PCDH15: variants seen among roughly 807,000 people sequenced by gnomAD.
PCDH15 encodes protocadherin-15.
A neutral mutation model predicts 178.5 loss-of-function variants in PCDH15; 129 were observed. That is an observed-to-expected ratio of 0.72 (90% CI 0.63 to 0.84). The LOEUF is 0.84. PCDH15 is among the 40% of genes least tolerant of loss of function. The pLI, the probability that PCDH15 is intolerant of heterozygous loss-of-function variation, is 0.00. For synonymous variants in PCDH15, 800 were observed against 732.0 expected, an observed-to-expected ratio of 1.09 and a Z score of -1.50; for missense variants, 2,230 against 2,099.9, an observed-to-expected ratio of 1.06 and a Z score of -1.21.
At chr10:54,227,740 C>T (rs2053608400) in intron 9 of PCDH15, among the ~76,000 whole-genome samples, 1 of 152,166 alleles carries the variant, frequency 6.6e-6, no homozygotes, top group Non-Finnish European at 1.5e-5. Flanking sequence ...TTTAACAGCA[C>T]CCAAGTCACC....
intron 2 of PCDH15, among the ~76,000 whole-genome samples, chr10:54,957,752 C>A (rs1213196014): frequency 2.0e-5 from 3 of 151,598 alleles, no homozygotes; most frequent in African/African-American, 7.2e-5. Flanking sequence ...CCATTTTAAG[C>A]TTGTGCAGTT....
intron 2 of PCDH15, among the ~76,000 whole-genome samples, chr10:55,108,947 G>A (rs544154892): frequency 1.1e-4 from 16 of 152,210 alleles, no homozygotes; most frequent in African/African-American, 3.4e-4. Flanking sequence ...TGATCCCCAC[G>A]TTCAAGTACT....
chr10:54,646,929 A>G (rs1565842235), intron 2 of PCDH15, among the ~76,000 whole-genome samples: 1 of 152,036 alleles, frequency 6.6e-6, no homozygotes, highest in Non-Finnish European at 1.5e-5. Context: ...ACTGAAAAAC[A>G]AGTTCTTTAA....
At chr10:54,325,545 T>C (rs1160054797) in intron 7 of PCDH15, among the ~76,000 whole-genome samples, 1 of 151,962 alleles carries the variant, frequency 6.6e-6, no homozygotes, top group Non-Finnish European at 1.5e-5. Context: ...GGCCATGAGT[T>C]TGAGACCAGC....
intron 1 of PCDH15, among the ~76,000 whole-genome samples, chr10:55,261,452 A>C (rs1456528311): frequency 1.3e-5 from 2 of 152,120 alleles, no homozygotes; most frequent in Non-Finnish European, 2.9e-5. Flanking sequence ...AAAACATTTG[A>C]TGTCTCAGGT....
At chr10:54,257,517 T>C (rs1490275909) in intron 8 of PCDH15, among the ~76,000 whole-genome samples, 1 of 151,862 alleles carries the variant, frequency 6.6e-6, no homozygotes, top group Non-Finnish European at 1.5e-5. Flanking sequence ...CCCTCCTTTG[T>C]TTATTTTTCA....
Position 53,903,293 on chromosome 10 carries a change from C to T in PCDH15, c.3451G>A (p.Gly1151Arg), listed in dbSNP as rs149478475. 564 of 1,613,102 alleles carry T rather than the reference C, an allele frequency of 3.5e-4. 2 individuals carry two copies. In the East Asian group the frequency reaches 0.011, roughly 31 times the overall value. The change falls in exon 26 of 38, where the codon GGA becomes AGA. Residue 1151 changes from glycine (G) to arginine (R), a missense_variant. Physicochemically the swap from Gly to Arg is moderately radical, Grantham distance 125. Coordinates refer to ENST00000644397, the MANE Select transcript of PCDH15 (RefSeq NM_001384140.1). ...PPVFQKKFYI[G>R]GVSEDARMFT... ...ATTCTTGCATCTTCAGATACACCTC[C>T]GATGTAGAATTTTTTCTGAAACACT...
intron 20 of PCDH15, among the ~76,000 whole-genome samples, chr10:54,004,416 C>T (rs1188695870): frequency 6.7e-5 from 5 of 74,228 alleles, no homozygotes; most frequent in Admixed American, 6.0e-4. Context: ...CACACACACA[C>T]ACACACACAC....
chr10:55,173,048 C>A (rs898293865), intron 1 of PCDH15, among the ~76,000 whole-genome samples: 9 of 151,984 alleles, frequency 5.9e-5, no homozygotes, highest in Admixed American at 3.9e-4. Context: ...CATTCTTTCA[C>A]ATACAAATGG....
Position 54,544,839 on chromosome 10 carries a change from T to G in PCDH15, c.92-16962A>C, listed in dbSNP as rs539431496. On this transcript the variant is annotated intron_variant, in intron 2 of 37. Transcript: ENST00000644397. Reference sequence around the variant, plus strand: ...TACATTAACAGCATTTTATTATATCTCTCCTCAAATTAATTTACTTGAGTA... The same window carrying G: ...TACATTAACAGCATTTTATTATATCGCTCCTCAAATTAATTTACTTGAGTA... 2.0e-5 allele frequency among the ~76,000 whole-genome samples: 3 copies of G among 152,298 alleles called. No homozygotes were observed. In the East Asian group the frequency reaches 5.8e-4, roughly 29 times the overall value.
At chr10:54,600,382 A>C in intron 2 of PCDH15, 1 of 549,558 alleles carries the variant, frequency 1.8e-6, no homozygotes, top group Non-Finnish European at 3.6e-6. Flanking sequence ...GCAGGAGACC[A>C]AGGCAAAAGG....
intron 22 of PCDH15, 86 bp downstream of exon 22, chr10:53,961,665 GA>G (rs1027540549): frequency 2.8e-5 from 28 of 1,002,390 alleles, no homozygotes; most frequent in Admixed American, 6.0e-5. Flanking sequence ...AAAATTGAAA[GA>G]AAAAAATGTG....
At chr10:54,662,461 T>C (rs6481113) in intron 2 of PCDH15, among the ~76,000 whole-genome samples, 133,066 of 151,904 alleles carry the variant, frequency 0.88, 58,945 homozygotes, top group Middle Eastern at 0.93. Context: ...TAAAGTCAGC[T>C]CCACTGTGCT....
chr10:55,202,451 A>G (rs1392787238), intron 1 of PCDH15, among the ~76,000 whole-genome samples: 1 of 152,126 alleles, frequency 6.6e-6, no homozygotes, highest in East Asian at 1.9e-4. Context: ...GTTACAAGGT[A>G]TGTGCCTTTC....
chr10:54,023,025 G>C lies in PCDH15; in HGVS notation c.2393C>G (p.Pro798Arg). ...VVVATDGAVH[P>R]RHSTLTLAIK... ...GGCCAAGGTTAGAGTTGAATGACGA[G>C]GGTGTACTGCTCCATCTGTTGCCAC... Residue 798 changes from proline to arginine, a missense_variant, in exon 19 of 38, where the codon CCT (proline) becomes CGT (arginine). Pro to Arg is a moderately radical substitution (Grantham distance 103). Transcript: ENST00000644397. 3.7e-6 allele frequency: 6 copies of C among 1,613,960 alleles called. No individual in the cohort carries two copies. Among genetic ancestry groups the C allele is most frequent in the Non-Finnish European group, 5.1e-6 (6 of 1,179,890 alleles).
chr10:53,873,303 G>A (rs553920908), intron 26 of PCDH15, among the ~76,000 whole-genome samples: 1 of 152,244 alleles, frequency 6.6e-6, no homozygotes, highest in East Asian at 1.9e-4. Flanking sequence ...CAATCAGTCT[G>A]GTGTTCTTTA....
intron 2 of PCDH15, among the ~76,000 whole-genome samples, chr10:55,584,139 C>T (rs936867540): frequency 1.3e-5 from 2 of 152,046 alleles, no homozygotes; most frequent in African/African-American, 4.8e-5. Flanking sequence ...TGCTTTCAGC[C>T]TCCCAAAGTG....
chr10:54,087,768 T>C (rs1414648739), intron 16 of PCDH15, among the ~76,000 whole-genome samples: 1 of 152,174 alleles, frequency 6.6e-6, no homozygotes, highest in East Asian at 1.9e-4. Flanking sequence ...CCAAATCTCC[T>C]GTCAAATTGT....
intron 2 of PCDH15, among the ~76,000 whole-genome samples, chr10:55,434,575 C>T (rs1479814521): frequency 6.6e-6 from 1 of 151,406 alleles, no homozygotes; most frequent in Non-Finnish European, 1.5e-5. Context: ...GTTTCAAAAG[C>T]ATATTTAATT....
Sources: allele counts gnomAD v4.1 joint callset (sites outside exome capture counted in the v4.1 genomes callset), GRCh38; gene constraint gnomAD v4.1.1; transcripts MANE v1.5; gene names NCBI Gene and HGNC (gene_info 2026-07-23, HGNC 2026-07-21).